Variants in CACNA1C observed in about 807,000 individuals in gnomAD.
CACNA1C encodes the protein calcium voltage-gated channel subunit alpha1 C, also known as voltage-dependent L-type calcium channel subunit alpha-1C.
A neutral mutation model predicts 229.0 loss-of-function variants in CACNA1C; 30 were observed. The ratio of observed to expected loss-of-function variants is 0.13; its 90% CI spans 0.10 to 0.18. The LOEUF (loss-of-function observed/expected upper bound fraction) is 0.18, where lower values mean the gene tolerates loss of function less well. Ranked by LOEUF, CACNA1C falls within the 10% of genes least tolerant of loss-of-function variation. The pLI is 1.00. For synonymous variants in CACNA1C, 1,114 were observed against 1,132.5 expected, an observed-to-expected ratio of 0.98 and a Z score of 0.33; for missense variants, 1,658 against 2,845.0, an observed-to-expected ratio of 0.58 and a Z score of 9.49.
At chr12:2,256,289 A>G (rs1646900176) in intron 3 of CACNA1C, among the ~76,000 whole-genome samples, 1 of 152,202 alleles carries the variant, frequency 6.6e-6, no homozygotes, top group Admixed American at 6.5e-5. Flanking sequence ...TTCTCCATCA[A>G]TGCATGGGGT....
chr12:2,583,086 G>T, intron 15 of CACNA1C, 144 bp downstream of exon 15: 1 of 621,696 alleles, frequency 1.6e-6, no homozygotes, highest in Non-Finnish European at 2.8e-6. Context: ...GCGGAGGTGG[G>T]TCTGGGTGGA....
intron 3 of CACNA1C, among the ~76,000 whole-genome samples, chr12:2,400,138 G>A (rs2154550763): frequency 6.6e-6 from 1 of 152,300 alleles, no homozygotes; most frequent in East Asian, 1.9e-4. Flanking sequence ...ACACCACCAT[G>A]GTGTGGATAA....
intron 3 of CACNA1C, among the ~76,000 whole-genome samples, chr12:2,231,600 T>C (rs2065151566): frequency 6.6e-6 from 1 of 152,176 alleles, no homozygotes; most frequent in Non-Finnish European, 1.5e-5. Flanking sequence ...TCTGATTTTG[T>C]TTTTAAAATC....
intron 1 of CACNA1C, among the ~76,000 whole-genome samples, chr12:2,066,171 G>A (rs1594841526): frequency 6.6e-6 from 1 of 152,196 alleles, no homozygotes; most frequent in East Asian, 1.9e-4. Context: ...CCAGAGACAA[G>A]GGAGCCCTGT....
At chr12:2,509,940 T>A (rs150764910) in intron 8 of CACNA1C, among the ~76,000 whole-genome samples, 1 of 152,346 alleles carries the variant, frequency 6.6e-6, no homozygotes, top group East Asian at 1.9e-4. Context: ...CATTTGTAGA[T>A]GTGGGATCCA....
At chr12:2,525,213 G>T (rs1017647057) in intron 9 of CACNA1C, among the ~76,000 whole-genome samples, 5 of 152,148 alleles carry the variant, frequency 3.3e-5, no homozygotes, top group African/African-American at 1.2e-4. Context: ...CCATCGAAAG[G>T]TCACTGTGCA....
chr12:2,260,480 A>C (rs1422894278), intron 3 of CACNA1C, among the ~76,000 whole-genome samples: 1 of 151,080 alleles, frequency 6.6e-6, no homozygotes, highest in Non-Finnish European at 1.5e-5. Flanking sequence ...TCTATTAAAA[A>C]AAAAAAAAAA....
At chr12:2,200,077 AG>A (rs1389563751) in intron 3 of CACNA1C, among the ~76,000 whole-genome samples, 3 of 152,178 alleles carry the variant, frequency 2.0e-5, no homozygotes, top group African/African-American at 7.2e-5. Flanking sequence ...CTTAGCACTG[AG>A]CAGTGCCTGC....
At chr12:2,271,687 C>T (rs2085056123) in intron 3 of CACNA1C, among the ~76,000 whole-genome samples, 1 of 152,006 alleles carries the variant, frequency 6.6e-6, no homozygotes, top group Non-Finnish European at 1.5e-5. Flanking sequence ...ATTGCTTGAG[C>T]CCAGGAGTTT....
Position 2,607,204 on chromosome 12 carries a change from G to C in CACNA1C, c.3356+74G>C, listed in dbSNP as rs369553850. ...TACTGACTTTCCAGCCCATCCCCAA[G>C]TTTTGTTAATGTCCCGCACTCCCTC... On this transcript the variant is annotated intron_variant, in intron 26 of 46. Transcript: ENST00000399655. The C allele has an allele frequency of 8.6e-5, 128 of 1,484,882 alleles. 1 individual carries two copies. The African/African-American group carries it at 1.5e-3, about 17-fold the overall frequency. 92.0% of individuals were successfully genotyped at this position (1,484,882 alleles called of 1,614,324 possible). A position where few individuals can be genotyped will look rare whatever the true frequency, so the allele number is the denominator to read the frequency against.
intron 3 of CACNA1C, among the ~76,000 whole-genome samples, chr12:2,365,001 C>T (rs2097686581): frequency 6.6e-6 from 1 of 152,248 alleles, no homozygotes; most frequent in African/African-American, 2.4e-5. Flanking sequence ...GAGTGGCCTA[C>T]AGGCTAGAAA....
chr12:2,481,244 C>T (rs1158937974), intron 5 of CACNA1C, among the ~76,000 whole-genome samples: 1 of 152,142 alleles, frequency 6.6e-6, no homozygotes, highest in Non-Finnish European at 1.5e-5. Context: ...TCATGGTGGA[C>T]AATATGGACC....
intron 5 of CACNA1C, among the ~76,000 whole-genome samples, chr12:2,476,169 A>G (rs2099627006): frequency 1.3e-5 from 2 of 152,194 alleles, no homozygotes; most frequent in African/African-American, 2.4e-5. Flanking sequence ...ATCACTTCCA[A>G]TGGATTAGAG....
intron 3 of CACNA1C, among the ~76,000 whole-genome samples, chr12:2,436,240 C>T (rs915160541): frequency 3.3e-5 from 5 of 152,160 alleles, no homozygotes; most frequent in African/African-American, 4.8e-5. Flanking sequence ...TGGAAAGTTC[C>T]TTGTCAGAAA....
In CACNA1C at chr12:2,641,514, C is replaced by G. The variant is rs545364337; in HGVS notation, c.3913-6961C>G. ...ATCCTTGACATCTCCCTCCAGCCCC[C>G]CTTCTCATTGCTGGAGCCTCCTGTT... is the stretch of plus-strand genomic sequence containing the variant. On this transcript the variant is annotated intron_variant, in intron 30 of 46. Transcript: ENST00000399655. 6.5e-5 allele frequency: 38 copies of G among 584,410 alleles called. No homozygotes were observed. In the East Asian group the frequency reaches 6.9e-4, roughly 11 times the overall value. The allele number at this position is 584,410 out of a possible 1,614,324, so 36.2% of individuals were successfully genotyped here.
At chr12:2,565,246 A>G (rs1262797819) in intron 11 of CACNA1C, among the ~76,000 whole-genome samples, 2 of 151,492 alleles carry the variant, frequency 1.3e-5, no homozygotes, top group Non-Finnish European at 2.9e-5. Flanking sequence ...AGGCGGGTGG[A>G]TCATGAGGTC....
chr12:2,309,131 C>T (rs2095276427), intron 3 of CACNA1C, among the ~76,000 whole-genome samples: 1 of 152,090 alleles, frequency 6.6e-6, no homozygotes, highest in African/African-American at 2.4e-5. Flanking sequence ...ATGTGATTTT[C>T]TATATATAAT....
chr12:2,460,891 G>T (rs1269628639), intron 5 of CACNA1C, among the ~76,000 whole-genome samples: 1 of 152,160 alleles, frequency 6.6e-6, no homozygotes, highest in Non-Finnish European at 1.5e-5. Flanking sequence ...AATAGTGTCT[G>T]TGCAGCTTTT....
At chr12:2,583,764 G>A (rs921389707) in intron 15 of CACNA1C, among the ~76,000 whole-genome samples, 1 of 152,218 alleles carries the variant, frequency 6.6e-6, no homozygotes, top group African/African-American at 2.4e-5. Context: ...GATCATGCAT[G>A]CAAGGCCTCT....
Sources: allele counts gnomAD v4.1 joint callset (sites outside exome capture counted in the v4.1 genomes callset), GRCh38; gene constraint gnomAD v4.1.1; transcripts MANE v1.5; gene names NCBI Gene and HGNC (gene_info 2026-07-23, HGNC 2026-07-21).